CRPPA: variants seen among roughly 807,000 people sequenced by gnomAD.
CRPPA encodes the protein D-ribitol-5-phosphate cytidylyltransferase.
In CRPPA, 43 loss-of-function variants were observed where a neutral mutation model predicts 52.0. The observed-to-expected ratio is 0.83, with a 90% CI of 0.65 to 1.07. The LOEUF (loss-of-function observed/expected upper bound fraction) is 1.07, where lower values mean the gene tolerates loss of function less well. Ranked by LOEUF, CRPPA falls within the 50% of genes least tolerant of loss-of-function variation. The probability of loss-of-function intolerance (pLI) is 0.00; values close to 1 mark genes in which losing one functional copy is unlikely to be tolerated. For synonymous variants in CRPPA, 250 were observed against 203.5 expected, an observed-to-expected ratio of 1.23 and a Z score of -1.94; for missense variants, 629 against 551.7, an observed-to-expected ratio of 1.14 and a Z score of -1.40.
At chr7:16,124,048 C>G (rs1302079090) in intron 9 of CRPPA, among the ~76,000 whole-genome samples, 1 of 151,426 alleles carries the variant, frequency 6.6e-6, no homozygotes, top group East Asian at 1.9e-4. Context: ...ACTCATTTCC[C>G]TTCCTTTGGA....
chr7:16,415,156 A>G (rs1788165300), intron 1 of CRPPA, among the ~76,000 whole-genome samples: 1 of 152,238 alleles, frequency 6.6e-6, no homozygotes, highest in South Asian at 2.1e-4. Flanking sequence ...TCAATGGCGC[A>G]AAGTAGAACT....
At chr7:16,199,640 A>G (rs1378980205) in intron 9 of CRPPA, among the ~76,000 whole-genome samples, 1 of 143,600 alleles carries the variant, frequency 7.0e-6, no homozygotes, top group Non-Finnish European at 1.5e-5. Flanking sequence ...TTTCCTGTGC[A>G]TATGCTCAAA....
At chr7:16,236,226 C>G (rs1782946554) in intron 8 of CRPPA, among the ~76,000 whole-genome samples, 1 of 151,950 alleles carries the variant, frequency 6.6e-6, no homozygotes, top group Non-Finnish European at 1.5e-5. Flanking sequence ...ACTATATTCT[C>G]GAAGTGGAAA....
intron 1 of CRPPA, among the ~76,000 whole-genome samples, chr7:16,406,858 T>G (rs1011029027): frequency 6.6e-6 from 1 of 152,086 alleles, no homozygotes; most frequent in Admixed American, 6.5e-5. Context: ...GTACCTTAAA[T>G]GGGAGAAACC....
intron 9 of CRPPA, among the ~76,000 whole-genome samples, chr7:16,161,800 G>T (rs1780896464): frequency 1.3e-5 from 2 of 152,126 alleles, no homozygotes; most frequent in African/African-American, 4.8e-5. Context: ...AATCAGCTGT[G>T]ACTCCGTCTG....
intron 3 of CRPPA, among the ~76,000 whole-genome samples, chr7:16,371,804 C>CT (rs1786756125): frequency 6.6e-6 from 1 of 151,694 alleles, no homozygotes; most frequent in Non-Finnish European, 1.5e-5. Flanking sequence ...AACTTAAAGA[C>CT]TTTTTTTAAA....
chr7:16,377,766 T>C (rs1362803031), intron 2 of CRPPA, among the ~76,000 whole-genome samples: 1 of 152,146 alleles, frequency 6.6e-6, no homozygotes, highest in Non-Finnish European at 1.5e-5. Context: ...TACGGCCCCC[T>C]CACCCCAAGT....
intron 3 of CRPPA, among the ~76,000 whole-genome samples, chr7:16,320,289 T>C (rs891955321): frequency 1.3e-5 from 2 of 152,198 alleles, no homozygotes; most frequent in African/African-American, 4.8e-5. Flanking sequence ...TTTCAATTTA[T>C]GTTTGCATAA....
intron 2 of CRPPA, among the ~76,000 whole-genome samples, chr7:16,400,504 C>T (rs1463061490): frequency 6.6e-6 from 1 of 152,148 alleles, no homozygotes; most frequent in Non-Finnish European, 1.5e-5. Flanking sequence ...GTATAACACC[C>T]GAACGACACG....
At chr7:16,258,323 A>G (rs1394719787) in intron 8 of CRPPA, 67 bp downstream of exon 8, 8 of 1,008,544 alleles carry the variant, frequency 7.9e-6, no homozygotes, top group Non-Finnish European at 1.2e-5. Context: ...AGTTTTTAAA[A>G]ATATGTACAT....
Position 16,406,115 on chromosome 7 carries a change from T to C in CRPPA, c.480A>G (p.Pro160=). The C allele has an allele frequency of 2.5e-6, 4 of 1,613,934 alleles. No individual in the cohort carries two copies. Among genetic ancestry groups the C allele is most frequent in the Non-Finnish European group, 3.4e-6 (4 of 1,179,864 alleles). The stretch of plus-strand genomic sequence containing the variant: ...TAAGAAGGACACCTTCCTCAACAAA[T>C]GGTCTCACAGCATCATGGATAATCA... ...EVVIIHDAVR[P]FVEEGVLLKV... The change falls in exon 2 of 10, where the codon CCA becomes CCG. Residue 160 remains proline, a synonymous_variant. Transcript: ENST00000407010.
At chr7:16,201,289 C>T (rs1258717874) in intron 9 of CRPPA, among the ~76,000 whole-genome samples, 1 of 152,096 alleles carries the variant, frequency 6.6e-6, no homozygotes, top group Non-Finnish European at 1.5e-5. Context: ...TACCTTCAAG[C>T]CAAGGACAGT....
chr7:16,383,220 C>G (rs1477029179), intron 2 of CRPPA, among the ~76,000 whole-genome samples: 1 of 152,162 alleles, frequency 6.6e-6, no homozygotes, highest in Non-Finnish European at 1.5e-5. Context: ...AGACAGGACC[C>G]TCAGCTGCAG....
chr7:16,161,050 A>G (rs969334005), intron 9 of CRPPA, among the ~76,000 whole-genome samples: 2 of 152,174 alleles, frequency 1.3e-5, no homozygotes, highest in Admixed American at 6.6e-5. Flanking sequence ...TATCAGCTTA[A>G]GGAGTTTTTG....
intron 3 of CRPPA, among the ~76,000 whole-genome samples, chr7:16,349,749 T>G (rs1179789817): frequency 1.3e-5 from 2 of 151,858 alleles, no homozygotes; most frequent in African/African-American, 4.8e-5. Flanking sequence ...GAGTACGGAT[T>G]ACTTATGAGA....
chr7:16,291,004 C>T (rs1468657140), intron 5 of CRPPA, among the ~76,000 whole-genome samples: 2 of 151,892 alleles, frequency 1.3e-5, no homozygotes, highest in East Asian at 1.9e-4. Context: ...GACACACAAA[C>T]GGCCAACAGG....
At chr7:16,385,101 T>G (rs555536032) in intron 2 of CRPPA, among the ~76,000 whole-genome samples, 16 of 151,746 alleles carry the variant, frequency 1.1e-4, no homozygotes, top group African/African-American at 3.6e-4. Flanking sequence ...CTTAGATAAA[T>G]AGACGTAATA....
chr7:16,216,072 G>A lies in CRPPA; in HGVS notation c.1245C>T (p.Tyr415=). ...AGATAAACATTTTACCTACCTGTGG[G>A]TAAGATATGAGAAGCCCATATAACA... is the stretch of plus-strand genomic sequence containing the variant. The part of the protein sequence containing the change: ...NILLYGLLIS[Y]PQDDQKLQES... The change falls in exon 9 of 10, where the codon TAC becomes TAT. Residue 415 remains tyrosine, a synonymous_variant. Coordinates refer to ENST00000407010, the MANE Select transcript of CRPPA (RefSeq NM_001101426.4). 6.3e-7 allele frequency: 1 copy of A among 1,583,966 alleles called. No homozygotes were observed. The highest frequency in any genetic ancestry group is 8.6e-7 in the Non-Finnish European group (1 of 1,166,710).
intron 8 of CRPPA, among the ~76,000 whole-genome samples, chr7:16,246,486 G>A (rs905431505): frequency 2.0e-5 from 3 of 152,110 alleles, no homozygotes; most frequent in Admixed American, 6.6e-5. Context: ...CTTTCCAGAA[G>A]GTTTTCAATT....
Sources: gnomAD v4.1 joint callset for allele counts (sites outside exome capture counted in the v4.1 genomes callset) on GRCh38, gnomAD v4.1.1 for gene constraint, MANE v1.5 for transcripts, NCBI Gene and HGNC (gene_info 2026-07-23, HGNC 2026-07-21) for gene names.